Variants in PHLDB1 observed in about 807,000 individuals in gnomAD.
The protein encoded by PHLDB1 is pleckstrin homology like domain family B member 1.
Under a neutral mutation model 139.3 loss-of-function variants are expected in PHLDB1, and 65 were observed. The observed-to-expected ratio is 0.47, with a 90% CI of 0.38 to 0.57. The LOEUF (loss-of-function observed/expected upper bound fraction) is 0.57, where lower values mean the gene tolerates loss of function less well. PHLDB1 is among the 20% of genes least tolerant of loss of function. PHLDB1 has a pLI of 0.00. For missense variants in PHLDB1, 1,624 were observed against 1,839.7 expected (o/e 0.88, Z 2.14); for synonymous variants, 679 against 734.5 (o/e 0.92, Z 1.22).
intron 1 of PHLDB1, among the ~76,000 whole-genome samples, chr11:118,609,117 C>T (rs186772334): frequency 6.8e-6 from 1 of 147,860 alleles, no homozygotes; most frequent in East Asian, 2.1e-4. Flanking sequence ...GCAAGCAGCC[C>T]GTCACACACA....
At chr11:118,648,099 T>C (rs782779626) in intron 18 of PHLDB1, 23 bp downstream of exon 18, 1 of 1,609,912 alleles carries the variant, frequency 6.2e-7, no homozygotes, top group South Asian at 1.1e-5. Flanking sequence ...TGGGGCACAG[T>C]GGTGGTTGGT....
rs556862021 is a variant in PHLDB1 at position 118,607,878 on chromosome 11, C to T, written c.-22+179C>T. Among the ~76,000 whole-genome samples, 35 of 152,160 alleles carry T rather than the reference C, an allele frequency of 2.3e-4. 1 individual carries two copies. Among genetic ancestry groups the T allele is most frequent in the African/African-American group, 8.4e-4 (35 of 41,522 alleles). ...GGTGAGTGCGTGGGGGCGAAAGGAG[C>T]GTTATGGGGAGTTTTCCTGTGAGCC... On this transcript the variant is annotated intron_variant, in intron 1 of 22. Coordinates refer to ENST00000600882, the MANE Select transcript of PHLDB1 (RefSeq NM_001144758.3).
intron 17 of PHLDB1, chr11:118,647,212 A>G (rs1310092966): frequency 6.6e-6 from 1 of 152,212 alleles, no homozygotes; most frequent in African/African-American, 2.4e-5. Flanking sequence ...TTGGGAAAGG[A>G]CTATATATTA....
Position 118,627,534 on chromosome 11 carries a change from C to G in PHLDB1, c.711C>G (p.Thr237=), listed in dbSNP as rs1347887862. Reference sequence around the variant, plus strand: ...GGCGCTACCTGCTGTCTCCCCCAACCAGCCCCGGCGCCATGTCTGTGGGCT... The same window carrying G: ...GGCGCTACCTGCTGTCTCCCCCAACGAGCCCCGGCGCCATGTCTGTGGGCT... ...NGGRYLLSPP[T]SPGAMSVGSS... Residue 237 remains threonine (T), a synonymous_variant, in exon 6 of 23, where the codon ACC becomes ACG. Coordinates refer to ENST00000600882, the MANE Select transcript of PHLDB1 (RefSeq NM_001144758.3). The G allele has an allele frequency of 6.2e-7, 1 of 1,614,116 alleles. No individual in the cohort carries two copies. The highest frequency in any genetic ancestry group is 1.3e-5 in the African/African-American group (1 of 74,954).
At chr11:118,643,026 G>T (rs1946837163) in intron 13 of PHLDB1, among the ~76,000 whole-genome samples, 1 of 152,180 alleles carries the variant, frequency 6.6e-6, no homozygotes, top group Non-Finnish European at 1.5e-5. Flanking sequence ...GCCTAAGATT[G>T]ACCATTTAAG....
Position 118,643,871 on chromosome 11 carries a change from C to G in PHLDB1, c.2949C>G (p.Ser983=). Residue 983 remains serine, a synonymous_variant, in exon 14 of 23, where the codon TCC becomes TCG. Transcript: ENST00000600882. ...GGACCCGCAGCGGCCCCCTCCCCTC[C>G]TCCTCTGGCTCTTCCTCCTCCTCCT... ...LPRTRSGPLP[S]SSGSSSSSSQ... 1 of 1,612,950 alleles carries G rather than the reference C, an allele frequency of 6.2e-7. No homozygotes were observed. The highest frequency in any genetic ancestry group is 1.3e-5 in the African/African-American group (1 of 75,048).
At chr11:118,642,490 T>C in intron 13 of PHLDB1, 96 bp downstream of exon 13, 1 of 1,394,540 alleles carries the variant, frequency 7.2e-7, no homozygotes, top group Non-Finnish European at 9.8e-7. Flanking sequence ...CCACCTTGAG[T>C]GGAGGCGTCA....
chr11:118,650,676 C>T lies in PHLDB1; in HGVS notation c.3874+129C>T, dbSNP rs940056071. ...CCAGAGTCTTGGGCTAGGCTTTGCC[C>T]TCCTTCCCTGAAAATGTACACAATG... On this transcript the variant is annotated intron_variant, in intron 20 of 22. Coordinates refer to ENST00000600882, the MANE Select transcript of PHLDB1 (RefSeq NM_001144758.3). This position sits in a 1 kb window ranked among gnomAD's most constrained non-coding sequence, Gnocchi z 4.7. 258 of 652,146 alleles carry T rather than the reference C, an allele frequency of 4.0e-4. 2 individuals are homozygous for T. The highest frequency in any genetic ancestry group is 9.6e-5 in the Non-Finnish European group (35 of 364,628). 40.4% of individuals were successfully genotyped at this position (652,146 alleles called of 1,614,324 possible).
intron 18 of PHLDB1, among the ~76,000 whole-genome samples, chr11:118,649,459 G>A (rs1307062574): frequency 6.6e-6 from 1 of 152,172 alleles, no homozygotes; most frequent in African/African-American, 2.4e-5. Context: ...TGGTGTGGGA[G>A]ATGGGTAGAA....
At chr11:118,612,355 T>A (rs553644469) in intron 1 of PHLDB1, among the ~76,000 whole-genome samples, 18 of 152,322 alleles carry the variant, frequency 1.2e-4, no homozygotes, top group Admixed American at 5.9e-4. Flanking sequence ...ACCCCTTTTT[T>A]ACATAAACTC....
chr11:118,655,615 G>T lies in PHLDB1; in HGVS notation c.3885G>T (p.Glu1295Asp). Residue 1295 changes from glutamate (E) to aspartate (D), a missense_variant, in exon 21 of 23, where the codon GAG becomes GAT. Coordinates refer to ENST00000600882, the MANE Select transcript of PHLDB1 (RefSeq NM_001144758.3). ...TTACTTGCTTTGCAGACAAGCATGA[G>T]ACGAAGCTGAAGGGAGTCATCTATT... is the stretch of plus-strand genomic sequence containing the variant. ...RTLSYYVDKH[E>D]TKLKGVIYFQ... 6.2e-7 allele frequency: 1 copy of T among 1,611,878 alleles called. No homozygotes were observed. Among genetic ancestry groups the T allele is most frequent in the South Asian group, 1.1e-5 (1 of 91,010 alleles).
At position 118,656,901 on chromosome 11, in the gene PHLDB1, C is replaced by A; in HGVS notation, c.*78C>A. The A allele has an allele frequency of 7.7e-7, 1 of 1,302,590 alleles. No homozygotes were observed. Among genetic ancestry groups the A allele is most frequent in the Non-Finnish European group, 1.1e-6 (1 of 940,350 alleles). The allele number at this position is 1,302,590 out of a possible 1,614,324, so 80.7% of individuals were successfully genotyped here. ...TTAATATTCTGTAAGGAGCTTGGTC[C>A]TGTGAGTTTCTGGGCTCTGGCCTCC... On this transcript the variant is annotated 3_prime_UTR_variant, in exon 23 of 23. Coordinates refer to ENST00000600882, the MANE Select transcript of PHLDB1 (RefSeq NM_001144758.3).
In PHLDB1 at chr11:118,632,034, T is replaced by G. The variant is rs781844628; in HGVS notation, c.2222T>G (p.Leu741Arg). 54 of 1,614,058 alleles carry G rather than the reference T, an allele frequency of 3.3e-5. No homozygotes were observed. The highest frequency in any genetic ancestry group is 4.6e-5 in the Non-Finnish European group (54 of 1,179,952). Residue 741 changes from leucine to arginine, a missense_variant, in exon 8 of 23, where the codon CTG becomes CGG. Transcript: ENST00000600882. This position sits in a 1 kb window ranked among gnomAD's most constrained non-coding sequence, Gnocchi z 5.9. ...CGTGTGAAGGAGCTAGAGCAGCAGC[T>G]GCAGGAGTCAGCCCGAGAGGTGAGC... The part of the protein sequence containing the change: ...KVRVKELEQQ[L>R]QESAREAEME...
chr11:118,623,799 A>C (rs1943284103), intron 4 of PHLDB1, among the ~76,000 whole-genome samples: 1 of 150,776 alleles, frequency 6.6e-6, no homozygotes, highest in Admixed American at 6.6e-5. Context: ...CTACCCTTCT[A>C]CCCAAGGGGC....
At chr11:118,612,768 T>C (rs1249355137) in intron 1 of PHLDB1, among the ~76,000 whole-genome samples, 1 of 152,204 alleles carries the variant, frequency 6.6e-6, no homozygotes. Flanking sequence ...CCAAGTCCCC[T>C]GGTAGATGGC....
In PHLDB1 at chr11:118,624,955, A is replaced by G. The variant is rs781994336; in HGVS notation, c.377A>G (p.Gln126Arg). The G allele has an allele frequency of 2.5e-6, 4 of 1,613,996 alleles. No individual in the cohort carries two copies. The highest frequency in any genetic ancestry group is 3.4e-6 in the Non-Finnish European group (4 of 1,180,000). ...LTQGCMLCLG[Q>R]STFLRFNHPA... The stretch of plus-strand genomic sequence containing the variant: ...GCAGGCTGCATGTTGTGCCTGGGTC[A>G]GTCCACCTTCCTTCGCTTTAACCAC... Residue 126 changes from glutamine (Q) to arginine (R), a missense_variant, in exon 5 of 23, where the codon CAG becomes CGG. By Grantham distance (43) the Gln-to-Arg change is conservative. Coordinates refer to ENST00000600882, the MANE Select transcript of PHLDB1 (RefSeq NM_001144758.3).
Position 118,650,266 on chromosome 11 carries a change from T to C in PHLDB1, c.3771+73T>C, listed in dbSNP as rs1172422940. 2.9e-5 allele frequency: 35 copies of C among 1,210,814 alleles called. No individual in the cohort carries two copies. In the African/African-American group the frequency reaches 4.2e-4, roughly 14 times the overall value. 75.0% of individuals were successfully genotyped at this position (1,210,814 alleles called of 1,614,324 possible). A position where few individuals can be genotyped will look rare whatever the true frequency, so the allele number is the denominator to read the frequency against. ...GTGGTGAGAGGCACCTCCTGGGTCG[T>C]TGGAATAGTGGCGTCAGTCTCTACC... On this transcript the variant is annotated intron_variant, in intron 19 of 22. Transcript: ENST00000600882. This position sits in a 1 kb window ranked among gnomAD's most constrained non-coding sequence, Gnocchi z 4.7.
rs1395924257 is a variant in PHLDB1, at chr11:118,656,849, C to T, written c.*26C>T. ...CTGCCGTGGGCCTCCTGGCAGAGCA[C>T]AACTGGGGCTTTTGTATAAGAAGAC... On this transcript the variant is annotated 3_prime_UTR_variant, in exon 23 of 23. Transcript: ENST00000600882. 3 of 1,588,542 alleles carry T rather than the reference C, an allele frequency of 1.9e-6. No individual in the cohort carries two copies. Among genetic ancestry groups the T allele is most frequent in the Non-Finnish European group, 2.6e-6 (3 of 1,160,932 alleles).
Position 118,611,504 on chromosome 11 carries a change from GATAA to G in PHLDB1, c.-21-2306_-21-2303del, listed in dbSNP as rs1348103618. Among the ~76,000 whole-genome samples, 3 of 152,144 alleles carry G rather than the reference GATAA, an allele frequency of 2.0e-5. No homozygotes were observed. The highest frequency in any genetic ancestry group is 2.1e-4 in the South Asian group (1 of 4,830). The stretch of plus-strand genomic sequence containing the variant: ...TAGTGACCAATACTCCAATATGACA[GATAA>G]ATAAACTAACGCCCAGACAGGTGAA... On this transcript the variant is annotated intron_variant, in intron 1 of 22. Transcript: ENST00000600882. This position sits in a 1 kb window ranked among gnomAD's most constrained non-coding sequence, Gnocchi z 4.7.
Sources: gnomAD v4.1 joint callset for allele counts (sites outside exome capture counted in the v4.1 genomes callset) on GRCh38, gnomAD v4.1.1 for gene constraint, Gnocchi (gnomAD v3.1) non-coding constraint, MANE v1.5 for transcripts, NCBI Gene and HGNC (gene_info 2026-07-23, HGNC 2026-07-21) for gene names.